MARCHF8: variants seen among roughly 807,000 people sequenced by gnomAD.
The protein encoded by MARCHF8 is E3 ubiquitin-protein ligase MARCHF8.
MARCHF8 carries 40 observed loss-of-function variants against 51.6 expected under a neutral mutation model. That is an observed-to-expected ratio of 0.77 (90% CI 0.60 to 1.01). The LOEUF is 1.01. Among genes scored for constraint, MARCHF8 ranks in the 50% least tolerant of loss-of-function variants. MARCHF8 has a pLI of 0.00. For missense variants in MARCHF8, 685 were observed against 708.6 expected (o/e 0.97, Z 0.38); for synonymous variants, 263 against 280.3 (o/e 0.94, Z 0.62).
intron 2 of MARCHF8, among the ~76,000 whole-genome samples, chr10:45,517,368 T>TTAAATTG (rs2043637314): frequency 6.6e-6 from 1 of 152,174 alleles, no homozygotes; most frequent in Non-Finnish European, 1.5e-5. Flanking sequence ...TAATTGCCAA[T>TTAAATTG]GTTGGAGGTG....
In MARCHF8 at chr10:45,463,310, T is replaced by C; in HGVS notation, c.929A>G (p.Asp310Gly). 1 of 1,551,008 alleles carries C rather than the reference T, an allele frequency of 6.4e-7. No individual in the cohort carries two copies. The highest frequency in any genetic ancestry group is 8.7e-7 in the Non-Finnish European group (1 of 1,147,078). Reference sequence around the variant, plus strand: ...AGATGTGCTGTCCTCAAAGACATCGTCGTCTCCCATCTCGTCAGAGCAGAA... The same window carrying C: ...AGATGTGCTGTCCTCAAAGACATCGCCGTCTCCCATCTCGTCAGAGCAGAA... Reference protein sequence around the residue: ...MGFCSDEMGDDDVFEDSTSAK... With the variant: ...MGFCSDEMGDGDVFEDSTSAK... Residue 310 changes from aspartate to glycine, a missense_variant, in exon 5 of 8, where the codon GAC becomes GGC. Asp to Gly is a moderately conservative substitution (Grantham distance 94, BLOSUM62 -1). Transcript: ENST00000453424.
chr10:45,585,233 C>T (rs1465161900), intron 1 of MARCHF8, among the ~76,000 whole-genome samples: 1 of 152,144 alleles, frequency 6.6e-6, no homozygotes, highest in African/African-American at 2.4e-5. Flanking sequence ...CAGCTATACA[C>T]CTGACCATAC....
At chr10:45,464,421 T>A in intron 3 of MARCHF8, 94 bp from the exon 4 acceptor site, 1 of 1,009,556 alleles carries the variant, frequency 9.9e-7, no homozygotes, top group South Asian at 1.3e-5. Context: ...ACCCTAGAAA[T>A]GTCTGCTGCT....
intron 1 of MARCHF8, among the ~76,000 whole-genome samples, chr10:45,575,851 TCTC>T (rs2044483783): frequency 6.6e-6 from 1 of 152,112 alleles, no homozygotes; most frequent in Non-Finnish European, 1.5e-5. Context: ...TGAAATTCCT[TCTC>T]CTGGCTCATC....
chr10:45,544,436 AT>A (rs2044095649), intron 1 of MARCHF8, among the ~76,000 whole-genome samples: 1 of 152,230 alleles, frequency 6.6e-6, no homozygotes, highest in Non-Finnish European at 1.5e-5. Flanking sequence ...GCATAGCAGC[AT>A]TCCTCATAAT....
intron 1 of MARCHF8, among the ~76,000 whole-genome samples, chr10:45,556,437 G>A (rs1370572108): frequency 6.6e-6 from 1 of 152,142 alleles, no homozygotes; most frequent in African/African-American, 2.4e-5. Flanking sequence ...ACTGGGAGAG[G>A]GATATAAAGA....
intron 2 of MARCHF8, among the ~76,000 whole-genome samples, chr10:45,497,362 A>G (rs902854757): frequency 2.6e-5 from 4 of 152,214 alleles, no homozygotes; most frequent in Admixed American, 2.6e-4. Flanking sequence ...GCAGACTTCA[A>G]AATCCTGCTT....
rs1029594080 is a variant in MARCHF8, at chr10:45,563,319, G to A, written c.-78-30030C>T. Among the ~76,000 whole-genome samples the A allele has an allele frequency of 3.3e-5, 5 of 152,072 alleles. No homozygotes were observed. In the East Asian group the frequency reaches 5.8e-4, roughly 18 times the overall value. Reference sequence around the variant, plus strand: ...TGGAATTACAGCCGTGAGCCACTGCGCCCAGCCCCGATTTTTCTTAAAGAC... The same window carrying A: ...TGGAATTACAGCCGTGAGCCACTGCACCCAGCCCCGATTTTTCTTAAAGAC... On this transcript the variant is annotated intron_variant, in intron 1 of 6. Coordinates refer to the MARCHF8 transcript ENST00000319836.
At chr10:45,516,437 A>G (rs1315782884) in intron 2 of MARCHF8, among the ~76,000 whole-genome samples, 3 of 150,846 alleles carry the variant, frequency 2.0e-5, no homozygotes, top group Admixed American at 2.0e-4. Context: ...GGTGTGAGCC[A>G]CTGTGCCTGG....
chr10:45,502,562 T>C lies in MARCHF8; in HGVS notation c.103-13145A>G, dbSNP rs143662685. 2.0e-4 allele frequency among the ~76,000 whole-genome samples: 31 copies of C among 152,282 alleles called. 1 individual carries two copies. The East Asian group carries it at 6.0e-3, about 29-fold the overall frequency. On this transcript the variant is annotated intron_variant, in intron 2 of 7. Transcript: ENST00000453424. Reference sequence around the variant, plus strand: ...AAAGCAGAGAGAAAAAAAGGATGCATTACTTATAGAGGAACAATGATTCAA... The same window carrying C: ...AAAGCAGAGAGAAAAAAAGGATGCACTACTTATAGAGGAACAATGATTCAA...
In MARCHF8 at chr10:45,455,444, T is replaced by G. The variant is rs1842571527; in HGVS notation, c.*2795A>C. On this transcript the variant is annotated 3_prime_UTR_variant, in exon 8 of 8. Coordinates refer to ENST00000453424, the MANE Select transcript of MARCHF8 (RefSeq NM_001282866.2). ...AGACCACTTGCCTCTTCCCCTTCCC[T>G]GGCCTACAAATACCAGGCCTCCTGG... 1 of 152,052 alleles carries G rather than the reference T, an allele frequency of 6.6e-6. No individual in the cohort carries two copies. Among genetic ancestry groups the G allele is most frequent in the Non-Finnish European group, 1.5e-5 (1 of 68,072 alleles). The allele number at this position is 152,052 out of a possible 1,614,324, so 9.4% of individuals were successfully genotyped here. A position where few individuals can be genotyped will look rare whatever the true frequency, so the allele number is the denominator to read the frequency against.
chr10:45,584,273 A>G (rs969792765), intron 1 of MARCHF8, among the ~76,000 whole-genome samples: 2 of 151,206 alleles, frequency 1.3e-5, no homozygotes, highest in Non-Finnish European at 2.9e-5. Context: ...AACACCATAC[A>G]GTAGTTATTA....
intron 1 of MARCHF8, among the ~76,000 whole-genome samples, chr10:45,542,758 G>GA (rs1456117134): frequency 6.6e-6 from 1 of 152,086 alleles, no homozygotes; most frequent in Non-Finnish European, 1.5e-5. Context: ...TCAATGGAGA[G>GA]AAAGTATAAA....
intron 1 of MARCHF8, among the ~76,000 whole-genome samples, chr10:45,544,961 C>G (rs1042250280): frequency 2.3e-4 from 35 of 152,148 alleles, no homozygotes; most frequent in African/African-American, 6.8e-4. Flanking sequence ...TCAGTCCCCT[C>G]AGACCTCCCA....
At chr10:45,459,818 C>T in intron 6 of MARCHF8, 1 of 985,272 alleles carries the variant, frequency 1.0e-6, no homozygotes, top group Non-Finnish European at 1.2e-6. Context: ...CTCTGCTAGT[C>T]CCATCTCCTC....
intron 1 of MARCHF8, among the ~76,000 whole-genome samples, chr10:45,570,527 T>C (rs1156462078): frequency 6.6e-6 from 1 of 152,178 alleles, no homozygotes; most frequent in Non-Finnish European, 1.5e-5. Flanking sequence ...TCTGAGGACT[T>C]TCCCTCAAAG....
At chr10:45,546,136 A>C (rs868825245) in intron 1 of MARCHF8, among the ~76,000 whole-genome samples, 4 of 137,784 alleles carry the variant, frequency 2.9e-5, no homozygotes, top group African/African-American at 1.2e-4. Context: ...AATGAGCTGA[A>C]TTTTTATTTA....
intron 1 of MARCHF8, among the ~76,000 whole-genome samples, chr10:45,573,803 T>A (rs1373336485): frequency 6.6e-6 from 1 of 152,186 alleles, no homozygotes. Flanking sequence ...CCACATTACC[T>A]TCTTTTCAAG....
intron 1 of MARCHF8, among the ~76,000 whole-genome samples, chr10:45,561,275 A>AT (rs369519527): frequency 0.049 from 7,069 of 142,946 alleles, 220 homozygotes; most frequent in East Asian, 0.095. Context: ...ATGAAACAGA[A>AT]TTTTTTTTTT....
Sources: gnomAD v4.1 joint callset for allele counts (sites outside exome capture counted in the v4.1 genomes callset) on GRCh38, gnomAD v4.1.1 for gene constraint, MANE v1.5 for transcripts, NCBI Gene and HGNC (gene_info 2026-07-23, HGNC 2026-07-21) for gene names.